Variants in ROBO2 observed in about 807,000 individuals in gnomAD.
ROBO2 encodes the protein roundabout homolog 2.
In ROBO2, 53 loss-of-function variants were observed where a neutral mutation model predicts 160.8. That is an observed-to-expected ratio of 0.33 (90% confidence interval 0.26 to 0.41). The LOEUF is 0.41. ROBO2 is among the 10% of genes least tolerant of loss of function. The pLI, the probability that ROBO2 is intolerant of heterozygous loss-of-function variation, is 1.00. For synonymous variants in ROBO2, 664 were observed against 611.7 expected, an observed-to-expected ratio of 1.09 and a Z score of -1.26; for missense variants, 1,577 against 1,722.4, an observed-to-expected ratio of 0.92 and a Z score of 1.49.
chr3:77,592,445 G>T (rs1163665544), intron 17 of ROBO2, among the ~76,000 whole-genome samples: 1 of 152,012 alleles, frequency 6.6e-6, no homozygotes, highest in Non-Finnish European at 1.5e-5. Flanking sequence ...TTTGCTCACA[G>T]CATTTAATTT....
chr3:76,781,918 A>T (rs956562293), intron 2 of ROBO2, among the ~76,000 whole-genome samples: 1 of 150,708 alleles, frequency 6.6e-6, no homozygotes, highest in African/African-American at 2.4e-5. Context: ...AAGTTTTTGG[A>T]AAGAGTCAGA....
chr3:77,421,561 T>TTGAA (rs774849596), intron 2 of ROBO2, among the ~76,000 whole-genome samples: 6 of 152,192 alleles, frequency 3.9e-5, no homozygotes, highest in Admixed American at 3.3e-4. Context: ...CAAACTTTTG[T>TTGAA]TGAATAATTT....
At chr3:77,410,765 CTCCTCT>C (rs1471614468) in intron 2 of ROBO2, among the ~76,000 whole-genome samples, 1 of 147,712 alleles carries the variant, frequency 6.8e-6, no homozygotes, top group African/African-American at 2.5e-5. Flanking sequence ...CTTCCTCCTC[CTCCTCT>C]TCCTCTTCCT....
chr3:76,548,578 T>C (rs896278857), intron 2 of ROBO2, among the ~76,000 whole-genome samples: 2 of 150,900 alleles, frequency 1.3e-5, no homozygotes, highest in Non-Finnish European at 2.9e-5. Flanking sequence ...TCTTGAGAAA[T>C]AAATATGGAA....
chr3:76,896,992 G>A (rs1431471571), intron 2 of ROBO2, among the ~76,000 whole-genome samples: 1 of 152,164 alleles, frequency 6.6e-6, no homozygotes, highest in Non-Finnish European at 1.5e-5. Flanking sequence ...ATTCCACTGT[G>A]TGGACAGTTG....
chr3:76,694,817 A>G (rs1406971983), intron 2 of ROBO2, among the ~76,000 whole-genome samples: 1 of 152,104 alleles, frequency 6.6e-6, no homozygotes, highest in Admixed American at 6.5e-5. Flanking sequence ...TAGTATTATG[A>G]TACCTTAGTT....
intron 20 of ROBO2, among the ~76,000 whole-genome samples, chr3:77,603,452 G>A (rs1318490739): frequency 6.6e-6 from 1 of 152,042 alleles, no homozygotes; most frequent in African/African-American, 2.4e-5. Flanking sequence ...TATCATTGAT[G>A]TGACCTCCTA....
At chr3:76,815,732 C>T (rs886359485) in intron 2 of ROBO2, among the ~76,000 whole-genome samples, 1 of 152,006 alleles carries the variant, frequency 6.6e-6, no homozygotes, top group Non-Finnish European at 1.5e-5. Flanking sequence ...CAAACATGCA[C>T]ATACCATTTT....
At chr3:76,651,895 A>G (rs2091273264) in intron 2 of ROBO2, among the ~76,000 whole-genome samples, 1 of 151,992 alleles carries the variant, frequency 6.6e-6, no homozygotes, top group African/African-American at 2.4e-5. Flanking sequence ...CACTCTCTCA[A>G]ACTATTGTTT....
chr3:76,420,425 A>C (rs1345301257), intron 2 of ROBO2, among the ~76,000 whole-genome samples: 1 of 152,208 alleles, frequency 6.6e-6, no homozygotes, highest in Non-Finnish European at 1.5e-5. Context: ...TGACGTGTTA[A>C]AATTGCCGGC....
At chr3:76,352,674 G>A (rs2074948604) in intron 2 of ROBO2, among the ~76,000 whole-genome samples, 1 of 151,924 alleles carries the variant, frequency 6.6e-6, no homozygotes, top group South Asian at 2.1e-4. Context: ...AATGATTGAT[G>A]AAGCGGCCTT....
At chr3:76,500,090 T>TG (rs1345446609) in intron 2 of ROBO2, among the ~76,000 whole-genome samples, 4 of 152,056 alleles carry the variant, frequency 2.6e-5, no homozygotes, top group South Asian at 4.1e-4. Flanking sequence ...CTTGGGGTGG[T>TG]GGGGGGACAG....
At chr3:76,773,555 G>T (rs1290146710) in intron 2 of ROBO2, among the ~76,000 whole-genome samples, 1 of 143,132 alleles carries the variant, frequency 7.0e-6, no homozygotes, top group Non-Finnish European at 1.5e-5. Flanking sequence ...AAAATTAAGG[G>T]TCTTATTTTT....
At chr3:76,735,067 C>T (rs754378305) in intron 2 of ROBO2, among the ~76,000 whole-genome samples, 3 of 152,182 alleles carry the variant, frequency 2.0e-5, no homozygotes, top group Non-Finnish European at 4.4e-5. Context: ...TTCCACTCAG[C>T]AATCCCATTA....
intron 2 of ROBO2, among the ~76,000 whole-genome samples, chr3:76,397,049 C>A (rs1436078120): frequency 1.3e-5 from 2 of 152,176 alleles, no homozygotes; most frequent in African/African-American, 4.8e-5. Context: ...AAGCTGGAGG[C>A]ATCACGCTAC....
intron 2 of ROBO2, among the ~76,000 whole-genome samples, chr3:77,392,584 A>G (rs561527770): frequency 6.6e-6 from 1 of 152,262 alleles, no homozygotes; most frequent in African/African-American, 2.4e-5. Context: ...AGTAATAAAT[A>G]TGTGTTCTAC....
intron 2 of ROBO2, among the ~76,000 whole-genome samples, chr3:76,734,262 A>G (rs1401175576): frequency 1.3e-5 from 2 of 152,158 alleles, no homozygotes; most frequent in East Asian, 3.8e-4. Context: ...CAAAAATAAA[A>G]TTTCTCTATT....
At chr3:75,962,510 G>A (rs1948954260) in intron 2 of ROBO2, among the ~76,000 whole-genome samples, 1 of 151,764 alleles carries the variant, frequency 6.6e-6, no homozygotes, top group Non-Finnish European at 1.5e-5. Flanking sequence ...TAACTGGGCT[G>A]AAGTCAACAC....
chr3:76,662,310 AACTTATT>A (rs1288820185), intron 2 of ROBO2, among the ~76,000 whole-genome samples: 1 of 152,204 alleles, frequency 6.6e-6, no homozygotes, highest in East Asian at 1.9e-4. Context: ...ACCATAGGGC[AACTTATT>A]ACTTCTTTAA....
Sources: gnomAD v4.1 joint callset for allele counts (sites outside exome capture counted in the v4.1 genomes callset) on GRCh38, gnomAD v4.1.1 for gene constraint, MANE v1.5 for transcripts, NCBI Gene and HGNC (gene_info 2026-07-23, HGNC 2026-07-21) for gene names.